FBXO4: variants seen among roughly 807,000 people sequenced by gnomAD.
The protein encoded by FBXO4 is F-box protein 4.
Under a neutral mutation model 43.7 loss-of-function variants are expected in FBXO4, and 36 were observed. The ratio of observed to expected loss-of-function variants is 0.82; its 90% CI spans 0.63 to 1.09. The LOEUF (loss-of-function observed/expected upper bound fraction) is 1.09. FBXO4 is among the 50% of genes least tolerant of loss of function. The probability of loss-of-function intolerance (pLI) is 0.00; values close to 1 mark genes in which losing one functional copy is unlikely to be tolerated. For synonymous variants in FBXO4, 180 were observed against 165.6 expected (o/e 1.09, Z -0.67); for missense variants, 435 against 474.1 (o/e 0.92, Z 0.77).
the FBXO4 span, among the ~76,000 whole-genome samples, chr5:41,953,337 T>A: frequency 1.3e-5 from 2 of 151,746 alleles, no homozygotes; most frequent in Non-Finnish European, 2.9e-5. Flanking sequence ...CATCATTTTT[T>A]ATGGCTGCAT....
chr5:41,925,582 G>C, intron 1 of FBXO4, 84 bp downstream of exon 1: 1 of 1,077,710 alleles, frequency 9.3e-7, no homozygotes, highest in South Asian at 3.4e-5. Flanking sequence ...GGGGCCTGGG[G>C]AACTCTCGCG....
the FBXO4 span, among the ~76,000 whole-genome samples, chr5:41,994,557 G>C: frequency 6.6e-6 from 1 of 152,160 alleles, no homozygotes; most frequent in East Asian, 1.9e-4. Context: ...GGATTGGACT[G>C]TTGTAGTTTC....
At chr5:41,938,484 G>C (rs1289898660) in intron 5 of FBXO4, among the ~76,000 whole-genome samples, 4 of 152,158 alleles carry the variant, frequency 2.6e-5, no homozygotes, top group Admixed American at 6.6e-5. Context: ...AGACGTATAG[G>C]ATACATTTAA....
At position 41,926,671 on chromosome 5, in the gene FBXO4, T is replaced by G. The variant is rs150227692; in HGVS notation, c.190-342T>G. On this transcript the variant is annotated intron_variant, in intron 1 of 6. Coordinates refer to ENST00000281623, the MANE Select transcript of FBXO4 (RefSeq NM_012176.3). ...TTATTTTGAAGGACAAATTATTTCC[T>G]TAACTAATTTATGTAACTAACTGGT... Among the ~76,000 whole-genome samples, 4 of 152,366 alleles carry G rather than the reference T, an allele frequency of 2.6e-5. No individual in the cohort carries two copies. The East Asian group carries it at 7.7e-4, about 29-fold the overall frequency.
the FBXO4 span, among the ~76,000 whole-genome samples, chr5:41,952,569 A>G: frequency 6.6e-6 from 1 of 152,132 alleles, no homozygotes; most frequent in Non-Finnish European, 1.5e-5. Flanking sequence ...CATTTACATC[A>G]CCTCAAAAAG....
the FBXO4 span, among the ~76,000 whole-genome samples, chr5:41,987,093 T>C: frequency 1.2e-4 from 18 of 152,162 alleles, no homozygotes; most frequent in African/African-American, 3.1e-4. Flanking sequence ...TTTATGAATA[T>C]GCTATTATCT....
At chr5:41,937,083 G>T (rs776498300) in intron 5 of FBXO4, among the ~76,000 whole-genome samples, 2 of 152,138 alleles carry the variant, frequency 1.3e-5, no homozygotes, top group Non-Finnish European at 2.9e-5. Flanking sequence ...AACATGAAGG[G>T]AGAGAGAAAA....
At chr5:41,980,333 A>G in the FBXO4 span, among the ~76,000 whole-genome samples, 1 of 152,206 alleles carries the variant, frequency 6.6e-6, no homozygotes, top group Non-Finnish European at 1.5e-5. Flanking sequence ...GTATAGGTTA[A>G]TACTTTCTTG....
At chr5:41,973,404 A>C in the FBXO4 span, among the ~76,000 whole-genome samples, 88 of 152,338 alleles carry the variant, frequency 5.8e-4, no homozygotes, top group African/African-American at 2.0e-3. Context: ...CTATTATTAA[A>C]ATAGGCTCAT....
chr5:42,034,859 T>G, the FBXO4 span, among the ~76,000 whole-genome samples: 1,795 of 152,246 alleles, frequency 0.012, 39 homozygotes, highest in African/African-American at 0.041. Context: ...CTCTTTTTTT[T>G]CCATGTGAAA....
At chr5:41,974,335 A>G in the FBXO4 span, among the ~76,000 whole-genome samples, 1 of 152,062 alleles carries the variant, frequency 6.6e-6, no homozygotes, top group Non-Finnish European at 1.5e-5. Flanking sequence ...CTGTTTCTAG[A>G]ATTTCAATTA....
At chr5:42,020,342 C>T in the FBXO4 span, among the ~76,000 whole-genome samples, 16,735 of 152,036 alleles carry the variant, frequency 0.11, 1,454 homozygotes, top group African/African-American at 0.24. Context: ...ATTTATTCAA[C>T]AATTATTTGT....
chr5:42,012,252 C>T, the FBXO4 span, among the ~76,000 whole-genome samples: 1 of 152,108 alleles, frequency 6.6e-6, no homozygotes, highest in African/African-American at 2.4e-5. Context: ...TATAGAATGC[C>T]CTGAGAGAGG....
At chr5:42,030,099 A>G in the FBXO4 span, among the ~76,000 whole-genome samples, 1 of 152,196 alleles carries the variant, frequency 6.6e-6, no homozygotes, top group African/African-American at 2.4e-5. Context: ...AGAATTGGAA[A>G]AAAATACTTT....
chr5:42,001,523 T>C, the FBXO4 span, among the ~76,000 whole-genome samples: 4 of 152,204 alleles, frequency 2.6e-5, no homozygotes. Flanking sequence ...AGGGCCACCA[T>C]GCCTGGCCAA....
chr5:42,036,410 T>A, the FBXO4 span, among the ~76,000 whole-genome samples: 2 of 152,112 alleles, frequency 1.3e-5, no homozygotes, highest in Non-Finnish European at 2.9e-5. Flanking sequence ...AAACGTTTGA[T>A]TGGAAAACAG....
the FBXO4 span, among the ~76,000 whole-genome samples, chr5:42,020,319 T>C: frequency 6.6e-6 from 1 of 152,304 alleles, no homozygotes; most frequent in South Asian, 2.1e-4. Context: ...TTATTGATAT[T>C]CCTTTATTTA....
At chr5:41,995,469 G>T in the FBXO4 span, among the ~76,000 whole-genome samples, 1 of 152,206 alleles carries the variant, frequency 6.6e-6, no homozygotes, top group Non-Finnish European at 1.5e-5. Flanking sequence ...CTCAGCAGTG[G>T]CCATAGCCAG....
chr5:41,934,919 G>T, intron 5 of FBXO4: 1 of 977,484 alleles, frequency 1.0e-6, no homozygotes, highest in Non-Finnish European at 1.2e-6. Flanking sequence ...TGTGAACAAG[G>T]TAGAATATAA....
Sources: allele counts gnomAD v4.1 joint callset (sites outside exome capture counted in the v4.1 genomes callset), GRCh38; gene constraint gnomAD v4.1.1; transcripts MANE v1.5; gene names NCBI Gene and HGNC (gene_info 2026-07-23, HGNC 2026-07-21).